SHROOM3: variants seen among roughly 807,000 people sequenced by gnomAD.
SHROOM3 encodes protein Shroom3.
A neutral mutation model predicts 138.6 loss-of-function variants in SHROOM3; 47 were observed. That is an observed-to-expected ratio of 0.34 (90% CI 0.27 to 0.43). The LOEUF (loss-of-function observed/expected upper bound fraction) is 0.43, where lower values mean the gene tolerates loss of function less well. Among genes scored for constraint, SHROOM3 ranks in the 20% least tolerant of loss-of-function variants. The probability of loss-of-function intolerance (pLI) is 1.00; values close to 1 mark genes in which losing one functional copy is unlikely to be tolerated. For missense variants in SHROOM3, 2,491 were observed against 2,596.5 expected (o/e 0.96, Z 0.88); for synonymous variants, 1,062 against 1,063.3 (o/e 1.00, Z 0.02).
At chr4:76,486,978 G>T (rs1731745198) in intron 1 of SHROOM3, among the ~76,000 whole-genome samples, 1 of 151,988 alleles carries the variant, frequency 6.6e-6, no homozygotes, top group African/African-American at 2.4e-5. Flanking sequence ...AGTATACAAT[G>T]ATTTTTAGTA....
intron 2 of SHROOM3, among the ~76,000 whole-genome samples, chr4:76,617,016 T>C (rs1181604909): frequency 6.6e-6 from 1 of 152,194 alleles, no homozygotes; most frequent in Admixed American, 6.5e-5. Context: ...AAAATCAACC[T>C]ACTTTGCATT....
At chr4:76,666,572 C>T (rs535078348) in intron 2 of SHROOM3, among the ~76,000 whole-genome samples, 14 of 152,192 alleles carry the variant, frequency 9.2e-5, no homozygotes, top group East Asian at 3.9e-4. Flanking sequence ...CGATCATGCC[C>T]GGCCTGTTAT....
At chr4:76,559,487 T>A (rs941701564) in intron 2 of SHROOM3, 1 of 152,222 alleles carries the variant, frequency 6.6e-6, no homozygotes, top group Non-Finnish European at 1.5e-5. Context: ...GTGATCTCTA[T>A]ACTTTAAAAA....
At chr4:76,633,229 T>A (rs1043887066) in intron 2 of SHROOM3, among the ~76,000 whole-genome samples, 1 of 148,278 alleles carries the variant, frequency 6.7e-6, no homozygotes, top group Non-Finnish European at 1.5e-5. Context: ...TAGTCCCAGC[T>A]ACTCAGGAGG....
Position 76,755,142 on chromosome 4 carries a change from T to C in SHROOM3, c.4659T>C (p.Thr1553=), listed in dbSNP as rs377310511. The C allele has an allele frequency of 2.7e-6, 4 of 1,477,706 alleles. No homozygotes were observed. Among genetic ancestry groups the C allele is most frequent in the African/African-American group, 3.1e-5 (2 of 64,118 alleles). The allele number at this position is 1,477,706 out of a possible 1,614,324, so 91.5% of individuals were successfully genotyped here. A position where few individuals can be genotyped will look rare whatever the true frequency, so the allele number is the denominator to read the frequency against. ...ACTTCCCTCCACCTCCTCCCCACACTGTATGTGAGGCGCAGCTGGACAGTG... is the reference window on the plus strand; with the variant it reads ...ACTTCCCTCCACCTCCTCCCCACACCGTATGTGAGGCGCAGCTGGACAGTG... ...MDDFPPPPPH[T]VCEAQLDSED... is the part of the protein sequence containing the mutation. The change falls in exon 7 of 11, where the codon ACT becomes ACC. Residue 1553 remains threonine (T), a synonymous_variant. Coordinates refer to ENST00000296043, the MANE Select transcript of SHROOM3 (RefSeq NM_020859.4).
At chr4:76,468,965 T>C (rs1169843789) in intron 1 of SHROOM3, among the ~76,000 whole-genome samples, 4 of 147,672 alleles carry the variant, frequency 2.7e-5, no homozygotes, top group South Asian at 2.1e-4. Context: ...ACCTGGGAGG[T>C]GCAGCTTGCA....
chr4:76,555,450 T>A (rs1733463230), intron 1 of SHROOM3, among the ~76,000 whole-genome samples, 159 bp from the exon 2 acceptor site: 1 of 152,206 alleles, frequency 6.6e-6, no homozygotes, highest in South Asian at 2.1e-4. Flanking sequence ...AGCCAGTCCC[T>A]GCGCTCTCAC....
intron 9 of SHROOM3, among the ~76,000 whole-genome samples, chr4:76,769,242 G>A (rs1041709922): frequency 2.0e-5 from 3 of 149,368 alleles, no homozygotes; most frequent in Non-Finnish European, 3.0e-5. Flanking sequence ...GTCTATATGC[G>A]TGTGTGTGTA....
chr4:76,439,646 G>A (rs1333328468), intron 1 of SHROOM3, among the ~76,000 whole-genome samples: 1 of 152,134 alleles, frequency 6.6e-6, no homozygotes, highest in Non-Finnish European at 1.5e-5. Flanking sequence ...CCAAGTTAGG[G>A]TGACCCTCCA....
At chr4:76,603,690 G>A (rs747851746) in intron 2 of SHROOM3, among the ~76,000 whole-genome samples, 4 of 151,714 alleles carry the variant, frequency 2.6e-5, no homozygotes, top group Admixed American at 6.6e-5. Context: ...CCATCAACTC[G>A]TTATTTACAT....
intron 2 of SHROOM3, among the ~76,000 whole-genome samples, chr4:76,631,600 C>T (rs374281072): frequency 4.9e-4 from 75 of 152,138 alleles, no homozygotes; most frequent in African/African-American, 1.4e-3. Context: ...GAGAAAAATC[C>T]CAAGAGCAAG....
intron 2 of SHROOM3, among the ~76,000 whole-genome samples, chr4:76,696,734 C>G (rs1364310134): frequency 6.6e-6 from 1 of 152,204 alleles, no homozygotes; most frequent in Non-Finnish European, 1.5e-5. Context: ...TGCTCAGATT[C>G]TGTTCCCAAT....
chr4:76,526,154 G>A (rs1004384055), intron 1 of SHROOM3, among the ~76,000 whole-genome samples: 2 of 152,154 alleles, frequency 1.3e-5, no homozygotes, highest in Admixed American at 6.5e-5. Context: ...GATCACCTGA[G>A]GTCAAGATTC....
chr4:76,471,243 T>C (rs998266306), intron 1 of SHROOM3, among the ~76,000 whole-genome samples: 3 of 150,648 alleles, frequency 2.0e-5, no homozygotes, highest in African/African-American at 7.4e-5. Context: ...TCTTCCTTTC[T>C]TTCTTTTTTT....
At chr4:76,541,464 G>A (rs56039566) in intron 1 of SHROOM3, among the ~76,000 whole-genome samples, 44,705 of 152,070 alleles carry the variant, frequency 0.29, 7,074 homozygotes, top group Middle Eastern at 0.41. Context: ...AGCTAGCCTT[G>A]GCCTCTTGCT....
chr4:76,723,599 C>T (rs2110124664), intron 3 of SHROOM3, among the ~76,000 whole-genome samples: 1 of 152,284 alleles, frequency 6.6e-6, no homozygotes, highest in South Asian at 2.1e-4. Flanking sequence ...TACTCCCTGT[C>T]TCCCTCCTCT....
chr4:76,741,994 C>T lies in SHROOM3; in HGVS notation c.3753+68C>T. 1 of 1,563,816 alleles carries T rather than the reference C, an allele frequency of 6.4e-7. No homozygotes were observed. Among genetic ancestry groups the T allele is most frequent in the South Asian group, 1.2e-5 (1 of 86,096 alleles). ...TCCCTAGAAGCTTTAGTGGGGCTCC[C>T]CAACCCCCCACACTCTCACCCGCTC... is the stretch of plus-strand genomic sequence containing the variant. On this transcript the variant is annotated intron_variant, in intron 5 of 10. Coordinates refer to ENST00000296043, the MANE Select transcript of SHROOM3 (RefSeq NM_020859.4). The surrounding 1 kb of genome is among the most constrained non-coding windows in gnomAD (Gnocchi z 6.2).
chr4:76,739,474 C>A lies in SHROOM3; in HGVS notation c.1301C>A (p.Thr434Asn). ...CCATTCATAGAGGAGCAGCTGCATA[C>A]TGTGCTGGAGAAGAGTCCAGAGAAC... ...KSPFIEEQLH[T>N]VLEKSPENSP... Residue 434 changes from threonine (T) to asparagine (N), a missense_variant, in exon 5 of 11, where the codon ACT (threonine) becomes AAT (asparagine). Thr to Asn is a moderately conservative substitution (Grantham distance 65). Coordinates refer to ENST00000296043, the MANE Select transcript of SHROOM3 (RefSeq NM_020859.4). 1 of 1,614,214 alleles carries A rather than the reference C, an allele frequency of 6.2e-7. No homozygotes were observed. The highest frequency in any genetic ancestry group is 1.3e-5 in the African/African-American group (1 of 75,050).
intron 1 of SHROOM3, among the ~76,000 whole-genome samples, chr4:76,454,392 A>G (rs571794609): frequency 6.6e-6 from 1 of 152,284 alleles, no homozygotes; most frequent in African/African-American, 2.4e-5. Flanking sequence ...ATTATTTGGT[A>G]TGTGGATATC....
Sources: gnomAD v4.1 joint callset for allele counts (sites outside exome capture counted in the v4.1 genomes callset) on GRCh38, gnomAD v4.1.1 for gene constraint, Gnocchi (gnomAD v3.1) non-coding constraint, MANE v1.5 for transcripts, NCBI Gene and HGNC (gene_info 2026-07-23, HGNC 2026-07-21) for gene names.